Variants in BICDL1 observed in about 807,000 individuals in gnomAD.
BICDL1 encodes BICD family-like cargo adapter 1.
A neutral mutation model predicts 76.8 loss-of-function variants in BICDL1; 20 were observed. The observed-to-expected ratio is 0.26, with a 90% CI of 0.18 to 0.38. BICDL1 has a LOEUF of 0.38. Ranked by LOEUF, BICDL1 falls within the 10% of genes least tolerant of loss-of-function variation. BICDL1 has a pLI of 1.00. For synonymous variants in BICDL1, 383 were observed against 337.1 expected, an observed-to-expected ratio of 1.14 and a Z score of -1.49; for missense variants, 700 against 798.6, an observed-to-expected ratio of 0.88 and a Z score of 1.49.
intron 2 of BICDL1, among the ~76,000 whole-genome samples, chr12:120,000,876 C>T (rs1028059226): frequency 1.3e-5 from 2 of 152,256 alleles, no homozygotes; most frequent in East Asian, 3.9e-4. Context: ...TTATGTTAAA[C>T]AGCGTGTGAA....
chr12:120,064,029 A>G (rs188005783), intron 3 of BICDL1, among the ~76,000 whole-genome samples: 8 of 152,360 alleles, frequency 5.3e-5, no homozygotes, highest in Admixed American at 3.3e-4. Context: ...GTATACGAAC[A>G]TATCAACCTG....
At chr12:120,019,881 T>C (rs1952143977) in intron 2 of BICDL1, among the ~76,000 whole-genome samples, 1 of 152,196 alleles carries the variant, frequency 6.6e-6, no homozygotes, top group South Asian at 2.1e-4. Flanking sequence ...GCTTCAGTAA[T>C]TATAGCAAGT....
chr12:120,002,188 C>T (rs77970361), intron 2 of BICDL1, among the ~76,000 whole-genome samples: 3,539 of 152,214 alleles, frequency 0.023, 145 homozygotes, highest in African/African-American at 0.081. Flanking sequence ...CTTATAAGGA[C>T]GCCAACCATA....
In BICDL1 at chr12:120,073,099, C is replaced by G. The variant is rs576661352; in HGVS notation, c.1308+370C>G. Among the ~76,000 whole-genome samples, 793 of 152,308 alleles carry G rather than the reference C, an allele frequency of 5.2e-3. 5 individuals are homozygous for G. Among genetic ancestry groups the G allele is most frequent in the Non-Finnish European group, 9.1e-3 (616 of 68,020 alleles). On this transcript the variant is annotated intron_variant, in intron 6 of 9. Coordinates refer to ENST00000548673, the MANE Select transcript of BICDL1 (RefSeq NM_001367886.1). ...CATGTTGGCCAGGCTAGTTTTAACT[C>G]TTGACCTCAAGTGATACACCCATCT...
intron 7 of BICDL1, among the ~76,000 whole-genome samples, chr12:120,078,231 A>G (rs1873715328): frequency 6.6e-6 from 1 of 152,096 alleles, no homozygotes; most frequent in African/African-American, 2.4e-5. Context: ...CTCACATCTC[A>G]TCTTCTCAGT....
In BICDL1 at chr12:120,094,420, A is replaced by G. The variant is rs978847258; in HGVS notation, c.*1259A>G. 2.6e-5 allele frequency: 9 copies of G among 342,272 alleles called. No homozygotes were observed. The highest frequency in any genetic ancestry group is 3.6e-5 in the Non-Finnish European group (6 of 167,548). The allele number at this position is 342,272 out of a possible 1,614,324, so 21.2% of individuals were successfully genotyped here. A position where few individuals can be genotyped will look rare whatever the true frequency, so the allele number is the denominator to read the frequency against. On this transcript the variant is annotated 3_prime_UTR_variant, in exon 10 of 10. Transcript: ENST00000548673. ...TACATATATAAAAATCTATAAAGGC[A>G]TATTTTTAGAAAAACAGCACACCAC...
chr12:120,003,617 C>T (rs1951800181), intron 2 of BICDL1, among the ~76,000 whole-genome samples: 2 of 152,146 alleles, frequency 1.3e-5, no homozygotes, highest in African/African-American at 2.4e-5. Flanking sequence ...TGCCTAGACA[C>T]CTAATATTAT....
chr12:120,025,027 T>C (rs1316413480), intron 2 of BICDL1, among the ~76,000 whole-genome samples: 1 of 150,632 alleles, frequency 6.6e-6, no homozygotes, highest in African/African-American at 2.4e-5. Context: ...CTTTAAAGTG[T>C]GTGTGATATT....
chr12:120,082,976 C>T (rs1874110492), intron 8 of BICDL1, among the ~76,000 whole-genome samples: 1 of 152,154 alleles, frequency 6.6e-6, no homozygotes, highest in Non-Finnish European at 1.5e-5. Flanking sequence ...TATTCTCGTG[C>T]CTCAGCCTCC....
intron 2 of BICDL1, among the ~76,000 whole-genome samples, chr12:120,057,899 C>T (rs1382423220): frequency 6.9e-6 from 1 of 144,286 alleles, no homozygotes; most frequent in Admixed American, 7.4e-5. Context: ...GGCGCGATCT[C>T]GGCACGCTGC....
intron 2 of BICDL1, among the ~76,000 whole-genome samples, chr12:120,020,089 G>GC (rs1056928955): frequency 2.6e-4 from 40 of 152,272 alleles, no homozygotes; most frequent in African/African-American, 9.4e-4. Flanking sequence ...GTAGTAATGA[G>GC]CACCCCCAGT....
At chr12:120,006,728 C>T (rs1951857484) in intron 2 of BICDL1, among the ~76,000 whole-genome samples, 1 of 152,086 alleles carries the variant, frequency 6.6e-6, no homozygotes. Context: ...GTGTGGTTAG[C>T]TTGGAAAGGG....
chr12:120,019,350 C>G (rs559327217), intron 2 of BICDL1: 1 of 152,214 alleles, frequency 6.6e-6, no homozygotes, highest in East Asian at 1.9e-4. Flanking sequence ...TCCTCTGACT[C>G]TACTGTAATT....
At chr12:120,054,338 T>C (rs914856869) in intron 2 of BICDL1, among the ~76,000 whole-genome samples, 3 of 151,668 alleles carry the variant, frequency 2.0e-5, no homozygotes, top group African/African-American at 7.3e-5. Context: ...GCCTCCCAAA[T>C]TGGTGCTGGG....
chr12:120,029,819 T>G (rs1164837716), intron 2 of BICDL1, among the ~76,000 whole-genome samples: 1 of 152,136 alleles, frequency 6.6e-6, no homozygotes, highest in Non-Finnish European at 1.5e-5. Context: ...CTGTAATCTT[T>G]GTATTTTTAG....
intron 7 of BICDL1, 93 bp from the exon 8 acceptor site, chr12:120,080,794 G>T: frequency 6.9e-7 from 1 of 1,444,968 alleles, no homozygotes; most frequent in Non-Finnish European, 9.4e-7. Context: ...CATGTACCCT[G>T]GTCCTGCCTG....
At chr12:120,029,404 T>G (rs1489458768) in intron 2 of BICDL1, among the ~76,000 whole-genome samples, 1 of 152,206 alleles carries the variant, frequency 6.6e-6, no homozygotes, top group Non-Finnish European at 1.5e-5. Context: ...ATTTTTTATT[T>G]TTAACTTGGT....
rs1251557504 is a variant in BICDL1 at position 119,989,885 on chromosome 12, T to G, written c.17T>G (p.Leu6Arg). 7 of 1,430,964 alleles carry G rather than the reference T, an allele frequency of 4.9e-6. No individual in the cohort carries two copies. In the African/African-American group the frequency reaches 1.1e-4, roughly 22 times the overall value. The allele number at this position is 1,430,964 out of a possible 1,614,324, so 88.6% of individuals were successfully genotyped here. Residue 6 changes from leucine (L) to arginine (R), a missense_variant, in exon 1 of 10, where the codon CTG becomes CGG. By Grantham distance (102) the Leu-to-Arg change is moderately radical. Around this residue, in one of 3 missense-constraint regions of BICDL1, gnomAD observed 225 missense variants for 199.6 expected, o/e 1.13. Coordinates refer to ENST00000548673, the MANE Select transcript of BICDL1 (RefSeq NM_001367886.1). ...GCGCGGGCCATGTCCGCTTTCTGCC[T>G]GGGCTTGGTCGGCCGCGCTTCAGCA... The part of the protein sequence containing the change: MSAFC[L>R]GLVGRASAPA...
At chr12:120,084,234 C>A (rs1165252339) in intron 8 of BICDL1, among the ~76,000 whole-genome samples, 1 of 151,968 alleles carries the variant, frequency 6.6e-6, no homozygotes, top group Non-Finnish European at 1.5e-5. Flanking sequence ...GATCTCCTGA[C>A]CTTGTGAACC....
Sources: gnomAD v4.1 joint callset for allele counts (sites outside exome capture counted in the v4.1 genomes callset) on GRCh38, gnomAD v4.1.1 for gene constraint, gnomAD v4.1.1 regional missense constraint, MANE v1.5 for transcripts, NCBI Gene and HGNC (gene_info 2026-07-23, HGNC 2026-07-21) for gene names.